Variants in KLHL4 observed in about 807,000 individuals in gnomAD.
KLHL4 encodes the protein kelch like family member 4.
A neutral mutation model predicts 45.8 loss-of-function variants in KLHL4; 17 were observed. The ratio of observed to expected loss-of-function variants is 0.37; its 90% CI spans 0.25 to 0.56. The LOEUF (loss-of-function observed/expected upper bound fraction) is 0.56, where lower values mean the gene tolerates loss of function less well. KLHL4 is among the 20% of genes least tolerant of loss of function. The probability of loss-of-function intolerance (pLI) is 0.79; values close to 1 mark genes in which losing one functional copy is unlikely to be tolerated. For synonymous variants in KLHL4, 224 were observed against 189.9 expected, an observed-to-expected ratio of 1.18 and a Z score of -1.47; for missense variants, 544 against 544.9, an observed-to-expected ratio of 1.00 and a Z score of 0.02.
intron 1 of KLHL4, among the ~76,000 whole-genome samples, chrX:87,577,518 C>A (rs1173831597): frequency 9.0e-6 from 1 of 111,679 alleles, no homozygotes; most frequent in African/African-American, 3.2e-5. Flanking sequence ...TTGATGAGGG[C>A]AATTTGTCTG....
intron 1 of KLHL4, among the ~76,000 whole-genome samples, chrX:87,601,925 C>A (rs1344534965): frequency 3.6e-5 from 4 of 111,092 alleles, no homozygotes; most frequent in Admixed American, 9.6e-5. Context: ...GAAACCTGAA[C>A]AATTCCTATT....
chrX:87,561,476 A>C (rs893589311), intron 1 of KLHL4, among the ~76,000 whole-genome samples: 27 of 111,817 alleles, frequency 2.4e-4, no homozygotes, highest in African/African-American at 7.5e-4. Context: ...TAGAGGGAGC[A>C]CTTAAACAAG....
chrX:87,528,790 T>C (rs1303272246), intron 1 of KLHL4, among the ~76,000 whole-genome samples: 2 of 100,413 alleles, frequency 2.0e-5, no homozygotes, highest in African/African-American at 7.4e-5. Context: ...TTTAACGAAG[T>C]AGCTAAACAC....
chrX:87,554,557 CA>C (rs1157087867), intron 1 of KLHL4, among the ~76,000 whole-genome samples: 3 of 91,712 alleles, frequency 3.3e-5, no homozygotes, highest in Non-Finnish European at 6.3e-5. Context: ...GTGATTTTTG[CA>C]CATTGATTTT....
intron 1 of KLHL4, among the ~76,000 whole-genome samples, chrX:87,568,279 A>ATT (rs888641451): frequency 3.6e-5 from 4 of 109,629 alleles, no homozygotes. Flanking sequence ...GTGTTCCTGG[A>ATT]TTGGAAGACT....
At chrX:87,664,474 T>A (rs906626326) in intron 9 of KLHL4, among the ~76,000 whole-genome samples, 20 of 111,818 alleles carry the variant, frequency 1.8e-4, no homozygotes, top group Non-Finnish European at 3.4e-4. Flanking sequence ...TTTTATATAA[T>A]GCCAGGATCA....
At chrX:87,659,586 A>T (rs1277970521) in intron 9 of KLHL4, among the ~76,000 whole-genome samples, 3 of 64,759 alleles carry the variant, frequency 4.6e-5, no homozygotes, top group Non-Finnish European at 1.3e-4. Flanking sequence ...TTTCTTTATT[A>T]TATTTTTTTT....
intron 1 of KLHL4, among the ~76,000 whole-genome samples, chrX:87,548,536 TTAAC>T (rs1319182249): frequency 9.0e-6 from 1 of 111,447 alleles, no homozygotes; most frequent in Admixed American, 9.6e-5. Context: ...GACCAAATGA[TTAAC>T]TAATCTAAAA....
At chrX:87,654,827 TA>T (rs1187543479) in intron 9 of KLHL4, among the ~76,000 whole-genome samples, 1 of 112,130 alleles carries the variant, frequency 8.9e-6, no homozygotes, top group Non-Finnish European at 1.9e-5. Context: ...GACTTTTTAT[TA>T]ATAGCCATTT....
chrX:87,669,045 G>T lies in KLHL4; in HGVS notation c.*2511G>T. On this transcript the variant is annotated 3_prime_UTR_variant, in exon 11 of 11. Transcript: ENST00000373119. ...GTGCTTGTCTCAGTCAAACTTAATT[G>T]GGAAAAGGAGGAGTAAGAGCAGGCC... 1.2e-6 allele frequency: 1 copy of T among 854,612 alleles called. No individual in the cohort carries two copies. The highest frequency in any genetic ancestry group is 4.8e-5 in the South Asian group (1 of 20,980). 70.4% of individuals were successfully genotyped at this position (854,612 alleles called of 1,213,427 possible).
chrX:87,580,414 A>G (rs1921237658), intron 1 of KLHL4, among the ~76,000 whole-genome samples: 1 of 110,992 alleles, frequency 9.0e-6, no homozygotes, highest in Non-Finnish European at 1.9e-5. Context: ...CCCCCATGAA[A>G]AGACAGAGTT....
chrX:87,652,807 T>C (rs1430298310), intron 9 of KLHL4, among the ~76,000 whole-genome samples: 1 of 112,067 alleles, frequency 8.9e-6, no homozygotes, highest in Admixed American at 9.5e-5. Context: ...TTTTCAGATA[T>C]CTTTTCAGCA....
intron 9 of KLHL4, among the ~76,000 whole-genome samples, chrX:87,637,935 C>A (rs752647852): frequency 5.4e-5 from 6 of 111,097 alleles, no homozygotes; most frequent in African/African-American, 1.3e-4. Context: ...GGCAACAGAG[C>A]GAGACTCCAT....
At chrX:87,662,929 CAAA>C (rs56333226) in intron 9 of KLHL4, among the ~76,000 whole-genome samples, 73 of 59,291 alleles carry the variant, frequency 1.2e-3, no homozygotes, top group African/African-American at 4.5e-3. Flanking sequence ...GACTCCGTCT[CAAA>C]AAAAAAAAAA....
At chrX:87,609,919 T>G (rs1922318860) in intron 1 of KLHL4, among the ~76,000 whole-genome samples, 1 of 111,709 alleles carries the variant, frequency 9.0e-6, no homozygotes, top group Admixed American at 9.5e-5. Context: ...CAACATCATG[T>G]CATTCATGAG....
chrX:87,612,436 A>G (rs1418235652), intron 1 of KLHL4, among the ~76,000 whole-genome samples: 1 of 111,891 alleles, frequency 8.9e-6, no homozygotes, highest in African/African-American at 3.2e-5. Context: ...ACTGGAAGCA[A>G]TAGGCTATAC....
chrX:87,618,318 T>C (rs1042738958), intron 4 of KLHL4, among the ~76,000 whole-genome samples, 190 bp downstream of exon 4: 2 of 111,529 alleles, frequency 1.8e-5, no homozygotes, highest in Non-Finnish European at 3.8e-5. Flanking sequence ...TTTAATTAAA[T>C]CCCCAAACTT....
chrX:87,556,037 G>A (rs1354995837), intron 1 of KLHL4, among the ~76,000 whole-genome samples: 2 of 110,471 alleles, frequency 1.8e-5, no homozygotes, highest in East Asian at 5.7e-4. Flanking sequence ...TTTTGAGTGA[G>A]TTTCTTAATC....
intron 9 of KLHL4, among the ~76,000 whole-genome samples, chrX:87,651,380 C>T (rs1923807575): frequency 8.9e-6 from 1 of 111,936 alleles, no homozygotes. Flanking sequence ...ACTCTTAACT[C>T]ATTTCAGCAT....
Sources: gnomAD v4.1 joint callset for allele counts (sites outside exome capture counted in the v4.1 genomes callset) on GRCh38, gnomAD v4.1.1 for gene constraint, MANE v1.5 for transcripts, NCBI Gene and HGNC (gene_info 2026-07-23, HGNC 2026-07-21) for gene names.